The following ZDHHC7 variants were observed in gnomAD, a reference collection of about 807,000 sequenced individuals.
ZDHHC7 encodes the protein palmitoyltransferase ZDHHC7.
In ZDHHC7, 12 loss-of-function variants were observed where a neutral mutation model predicts 34.1. That is an observed-to-expected ratio of 0.35 (90% CI 0.23 to 0.57). ZDHHC7 has a LOEUF of 0.57. Ranked by LOEUF, ZDHHC7 falls within the 20% of genes least tolerant of loss-of-function variation. The pLI, the probability that ZDHHC7 is intolerant of heterozygous loss-of-function variation, is 0.84. For synonymous variants in ZDHHC7, 185 were observed against 155.4 expected (o/e 1.19, Z -1.42); for missense variants, 388 against 402.7 (o/e 0.96, Z 0.31).
intron 4 of ZDHHC7, among the ~76,000 whole-genome samples, chr16:84,980,841 C>G (rs2072358722): frequency 6.6e-6 from 1 of 152,160 alleles, no homozygotes; most frequent in Non-Finnish European, 1.5e-5. Flanking sequence ...TATTTCTAAC[C>G]CCAGCCCAAA....
At chr16:84,977,879 T>C (rs2072318535) in intron 6 of ZDHHC7, 45 bp downstream of exon 6, 1 of 1,496,382 alleles carries the variant, frequency 6.7e-7, no homozygotes, top group Admixed American at 1.8e-5. Context: ...TTTCATCCAA[T>C]AACAGCATGC....
chr16:85,005,527 C>T (rs1345417947), intron 1 of ZDHHC7, among the ~76,000 whole-genome samples: 1 of 152,192 alleles, frequency 6.6e-6, no homozygotes, highest in African/African-American at 2.4e-5. Flanking sequence ...TTGCTCAGAT[C>T]CACAGCCAGT....
the ZDHHC7 span, among the ~76,000 whole-genome samples, chr16:85,019,454 G>A: frequency 6.6e-6 from 1 of 152,112 alleles, no homozygotes; most frequent in African/African-American, 2.4e-5. Context: ...CGGTGGCTCA[G>A]GTCTGTAATC....
rs376012044 is a variant in ZDHHC7 at position 85,001,884 on chromosome 16, A to G, written c.-103-5877T>C. 4.6e-5 allele frequency among the ~76,000 whole-genome samples: 7 copies of G among 150,686 alleles called. No homozygotes were observed. In the East Asian group the frequency reaches 9.8e-4, roughly 21 times the overall value. On this transcript the variant is annotated intron_variant, in intron 1 of 7. Transcript: ENST00000313732. Reference sequence around the variant, plus strand: ...ACCACAGATCTTGGTTTTTAATACCATTCTCTAATAAATAAAAGGAACCAG... The same window carrying G: ...ACCACAGATCTTGGTTTTTAATACCGTTCTCTAATAAATAAAAGGAACCAG...
chr16:84,998,250 C>G (rs1363181023), intron 1 of ZDHHC7, among the ~76,000 whole-genome samples: 2 of 139,666 alleles, frequency 1.4e-5, no homozygotes, highest in African/African-American at 2.8e-5. Context: ...GGTGACAGAG[C>G]GAGACTGTCT....
In ZDHHC7 at chr16:84,993,947, A is replaced by C. The variant is rs147338899; in HGVS notation, c.-18+1975T>G. ...CTTTGCGAAGAGGTCTCTAGACATC[A>C]GATGTGACTATCCGGAGATAAAGGC... is the stretch of plus-strand genomic sequence containing the variant. On this transcript the variant is annotated intron_variant, in intron 2 of 7. Coordinates refer to ENST00000313732, the MANE Select transcript of ZDHHC7 (RefSeq NM_017740.3). Among the ~76,000 whole-genome samples the C allele has an allele frequency of 9.2e-5, 14 of 152,326 alleles. No individual in the cohort carries two copies. The East Asian group carries it at 2.7e-3, about 29-fold the overall frequency.
intron 4 of ZDHHC7, among the ~76,000 whole-genome samples, chr16:84,980,434 C>T (rs1461674160): frequency 1.3e-5 from 2 of 151,988 alleles, no homozygotes; most frequent in Non-Finnish European, 2.9e-5. Context: ...CTTTGGCAGG[C>T]CGAGGCAGGT....
intron 1 of ZDHHC7, among the ~76,000 whole-genome samples, chr16:85,000,736 TG>T (rs1296365301): frequency 6.6e-6 from 1 of 152,094 alleles, no homozygotes; most frequent in Non-Finnish European, 1.5e-5. Flanking sequence ...GCTGGGGAGT[TG>T]GGGGGTGAGC....
intron 2 of ZDHHC7, among the ~76,000 whole-genome samples, 155 bp downstream of exon 2, chr16:84,995,767 C>T (rs1019010016): frequency 4.6e-5 from 7 of 152,310 alleles, no homozygotes; most frequent in South Asian, 2.1e-4. Context: ...CTTTTAGGAC[C>T]GGAAGGCAGC....
the ZDHHC7 span, among the ~76,000 whole-genome samples, chr16:85,024,133 G>T: frequency 6.6e-6 from 1 of 151,866 alleles, no homozygotes; most frequent in South Asian, 2.1e-4. Context: ...GGCCAGGCTG[G>T]TCTCAAACTC....
intron 1 of ZDHHC7, among the ~76,000 whole-genome samples, chr16:85,001,192 C>T (rs1271571105): frequency 2.0e-5 from 3 of 152,078 alleles, no homozygotes; most frequent in Admixed American, 6.5e-5. Flanking sequence ...TAACTGGGGC[C>T]GGGCGCGGTG....
chr16:85,007,546 A>T (rs913022079), intron 1 of ZDHHC7, among the ~76,000 whole-genome samples: 7 of 152,010 alleles, frequency 4.6e-5, no homozygotes, highest in Non-Finnish European at 8.8e-5. Flanking sequence ...AAACAATCAA[A>T]AAGGCAAGAG....
In ZDHHC7 at chr16:84,990,568, C is replaced by T. The variant is rs771788564; in HGVS notation, c.51G>A (p.Leu17=). The T allele has an allele frequency of 2.5e-6, 4 of 1,614,068 alleles. 1 individual carries two copies. The highest frequency in any genetic ancestry group is 1.7e-5 in the Admixed American group (1 of 60,008). The part of the protein sequence containing the change: ...RLRDVEHHPL[L]AENDNYDSSS... ...AAGAGTCATAGTTGTCATTTTCAGC[C>T]AGGAGAGGATGATGCTCGACGTCCC... The change falls in exon 3 of 8, where the codon CTG becomes CTA. Residue 17 remains leucine (L), a synonymous_variant. Coordinates refer to ENST00000313732, the MANE Select transcript of ZDHHC7 (RefSeq NM_017740.3).
At chr16:84,977,364 T>A in intron 6 of ZDHHC7, 139 bp from the exon 7 acceptor site, 2 of 1,115,900 alleles carry the variant, frequency 1.8e-6, no homozygotes, top group Non-Finnish European at 2.5e-6. Context: ...ATGGGCACAT[T>A]CATTGTTCTC....
upstream of ZDHHC7, among the ~76,000 whole-genome samples, chr16:85,014,351 C>T (rs2072825671): frequency 6.6e-6 from 1 of 152,200 alleles, no homozygotes; most frequent in Non-Finnish European, 1.5e-5. Context: ...CTTTCTATAG[C>T]AGGCTTAATG....
intron 3 of ZDHHC7, among the ~76,000 whole-genome samples, chr16:84,983,652 A>G (rs2072399536): frequency 1.3e-5 from 2 of 152,204 alleles, no homozygotes; most frequent in South Asian, 4.1e-4. Flanking sequence ...CTGCCTCCTT[A>G]AAGAAGTTAG....
At chr16:85,022,959 G>A in the ZDHHC7 span, among the ~76,000 whole-genome samples, 1 of 152,250 alleles carries the variant, frequency 6.6e-6, no homozygotes, top group East Asian at 1.9e-4. Flanking sequence ...GAAAAGCTGA[G>A]GAACTGTTCC....
chr16:84,983,237 G>A (rs1046813065), intron 3 of ZDHHC7, among the ~76,000 whole-genome samples: 5 of 152,252 alleles, frequency 3.3e-5, no homozygotes, highest in Admixed American at 2.6e-4. Context: ...TATAGGTGGG[G>A]CAAATGGAAG....
chr16:85,019,707 G>A, the ZDHHC7 span, among the ~76,000 whole-genome samples: 2 of 152,170 alleles, frequency 1.3e-5, no homozygotes, highest in African/African-American at 2.4e-5. Context: ...GACAGAGCAA[G>A]ACTCTGTCTC....
Sources: gnomAD v4.1 joint callset for allele counts (sites outside exome capture counted in the v4.1 genomes callset) on GRCh38, gnomAD v4.1.1 for gene constraint, MANE v1.5 for transcripts, NCBI Gene and HGNC (gene_info 2026-07-23, HGNC 2026-07-21) for gene names.